PSMA1: variants seen among roughly 807,000 people sequenced by gnomAD.
The protein encoded by PSMA1 is proteasome subunit alpha type-1.
In PSMA1, 3 loss-of-function variants were observed where a neutral mutation model predicts 38.4. The ratio of observed to expected loss-of-function variants is 0.08; its 90% CI spans 0.04 to 0.20. The LOEUF (loss-of-function observed/expected upper bound fraction) is 0.20, where lower values mean the gene tolerates loss of function less well. Ranked by LOEUF, PSMA1 falls within the 10% of genes least tolerant of loss-of-function variation. PSMA1 has a pLI of 1.00. For synonymous variants in PSMA1, 101 were observed against 107.1 expected (o/e 0.94, Z 0.35); for missense variants, 227 against 325.3 (o/e 0.70, Z 2.32).
chr11:14,579,272 A>G (rs773189656), intron 2 of PSMA1, among the ~76,000 whole-genome samples: 1 of 152,144 alleles, frequency 6.6e-6, no homozygotes, highest in Non-Finnish European at 1.5e-5. Flanking sequence ...TCTAGAAGAG[A>G]ATGCTTCTTT....
At chr11:14,509,522 G>C (rs1469200639) in intron 8 of PSMA1, among the ~76,000 whole-genome samples, 3 of 141,816 alleles carry the variant, frequency 2.1e-5, no homozygotes, top group Non-Finnish European at 4.6e-5. Flanking sequence ...ATGGAGTTTT[G>C]CTTTGTCACC....
At chr11:14,631,396 T>G (rs1853008332) in intron 1 of PSMA1, among the ~76,000 whole-genome samples, 1 of 152,162 alleles carries the variant, frequency 6.6e-6, no homozygotes. Context: ...AAAGAACATC[T>G]TTATTTCTGC....
At chr11:14,508,223 T>G (rs1851279791) in intron 8 of PSMA1, among the ~76,000 whole-genome samples, 2 of 152,170 alleles carry the variant, frequency 1.3e-5, no homozygotes, top group Admixed American at 6.5e-5. Context: ...TCTAACATTC[T>G]CCAAGCTCTT....
intron 1 of PSMA1, among the ~76,000 whole-genome samples, chr11:14,632,166 A>T (rs1853026973): frequency 6.9e-6 from 1 of 144,982 alleles, no homozygotes. Context: ...GTCCATTTAC[A>T]TTTAAAGTTA....
At chr11:14,559,056 A>G (rs1851975371) in intron 2 of PSMA1, among the ~76,000 whole-genome samples, 2 of 152,302 alleles carry the variant, frequency 1.3e-5, no homozygotes, top group South Asian at 4.1e-4. Context: ...CCTTAATATC[A>G]CATTTAATAA....
chr11:14,577,913 G>A lies in PSMA1; in HGVS notation c.21+33053C>T, dbSNP rs542423535. ...TCATGTTCCAAATATTTGTTTATCT[G>A]TTTGTTTGAAAGAGCCTCTAACATG... On this transcript the variant is annotated intron_variant, in intron 2 of 10. Transcript: ENST00000418988. Among the ~76,000 whole-genome samples the A allele has an allele frequency of 3.9e-5, 6 of 152,246 alleles. No homozygotes were observed. The South Asian group carries it at 1.0e-3, about 26-fold the overall frequency.
upstream of PSMA1, among the ~76,000 whole-genome samples, chr11:14,523,177 G>A (rs149656172): frequency 0.014 from 2,207 of 152,238 alleles, 25 homozygotes; most frequent in Non-Finnish European, 0.021. Context: ...AAGAATGAAA[G>A]TCCCAAGGGC....
At chr11:14,571,948 C>G (rs937406808) in intron 2 of PSMA1, among the ~76,000 whole-genome samples, 2 of 152,150 alleles carry the variant, frequency 1.3e-5, no homozygotes, top group Non-Finnish European at 2.9e-5. Flanking sequence ...GGGATTAATT[C>G]AACAAGAAGA....
At chr11:14,519,107 A>G (rs1379241052) in intron 1 of PSMA1, 66 bp from the exon 2 acceptor site, 3 of 1,266,472 alleles carry the variant, frequency 2.4e-6, no homozygotes, top group Non-Finnish European at 2.3e-6. Flanking sequence ...CTTAACATTC[A>G]TTAAGAAATA....
At chr11:14,539,646 C>T (rs1478415495) in intron 2 of PSMA1, among the ~76,000 whole-genome samples, 1 of 151,916 alleles carries the variant, frequency 6.6e-6, no homozygotes, top group South Asian at 2.1e-4. Context: ...GAGATGGAGA[C>T]CATCCTGGCT....
chr11:14,515,572 A>G (rs76266599), intron 4 of PSMA1, among the ~76,000 whole-genome samples: 1 of 149,214 alleles, frequency 6.7e-6, no homozygotes, highest in Non-Finnish European at 1.5e-5. Flanking sequence ...TTTTTTTTTA[A>G]TACTGAGTTT....
intron 2 of PSMA1, among the ~76,000 whole-genome samples, chr11:14,551,566 A>C (rs918549057): frequency 1.3e-5 from 2 of 152,226 alleles, no homozygotes; most frequent in African/African-American, 4.8e-5. Context: ...GCAGCTCCAC[A>C]GACAAGGACA....
chr11:14,551,547 C>CT (rs1340485280), intron 2 of PSMA1, among the ~76,000 whole-genome samples: 1 of 152,218 alleles, frequency 6.6e-6, no homozygotes, highest in Non-Finnish European at 1.5e-5. Context: ...CCAAATGCCT[C>CT]TGACGATTGC....
At chr11:14,611,592 T>C (rs1852709249) in intron 1 of PSMA1, among the ~76,000 whole-genome samples, 1 of 152,244 alleles carries the variant, frequency 6.6e-6, no homozygotes, top group African/African-American at 2.4e-5. Flanking sequence ...AAATCATCTA[T>C]GAATACAGCC....
intron 1 of PSMA1, among the ~76,000 whole-genome samples, chr11:14,625,970 T>G (rs1241802113): frequency 6.6e-6 from 1 of 152,208 alleles, no homozygotes; most frequent in Non-Finnish European, 1.5e-5. Context: ...CTACCTCCTG[T>G]ACTGGATCTA....
intron 2 of PSMA1, among the ~76,000 whole-genome samples, chr11:14,604,946 A>G (rs969316903): frequency 3.9e-5 from 6 of 152,162 alleles, no homozygotes; most frequent in Non-Finnish European, 7.4e-5. Flanking sequence ...TCTTTATCCA[A>G]TCCACCACTG....
At chr11:14,540,027 C>G (rs1181880625) in intron 2 of PSMA1, among the ~76,000 whole-genome samples, 1 of 152,196 alleles carries the variant, frequency 6.6e-6, no homozygotes, top group East Asian at 1.9e-4. Flanking sequence ...CTACTCTAAG[C>G]AGCAGGAACC....
At chr11:14,586,356 C>T (rs1235584663) in intron 2 of PSMA1, among the ~76,000 whole-genome samples, 7 of 151,716 alleles carry the variant, frequency 4.6e-5, no homozygotes, top group Admixed American at 2.6e-4. Flanking sequence ...CACTTGAACC[C>T]GGGAGGCAGA....
At chr11:14,597,963 G>T (rs1385558735) in intron 2 of PSMA1, among the ~76,000 whole-genome samples, 1 of 152,044 alleles carries the variant, frequency 6.6e-6, no homozygotes, top group Non-Finnish European at 1.5e-5. Context: ...TGTTCTCACT[G>T]GTTTCAAAAA....
Sources: gnomAD v4.1 joint callset for allele counts (sites outside exome capture counted in the v4.1 genomes callset) on GRCh38, gnomAD v4.1.1 for gene constraint, MANE v1.5 for transcripts, NCBI Gene and HGNC (gene_info 2026-07-23, HGNC 2026-07-21) for gene names.